DDR2: variants seen among roughly 807,000 people sequenced by gnomAD.
The protein encoded by DDR2 is discoidin domain receptor tyrosine kinase 2.
Under a neutral mutation model 94.9 loss-of-function variants are expected in DDR2, and 27 were observed. The observed-to-expected ratio is 0.28, with a 90% confidence interval of 0.21 to 0.39. The LOEUF is 0.39. DDR2 is among the 10% of genes least tolerant of loss of function. DDR2 has a pLI of 1.00. For missense variants in DDR2, 783 were observed against 1,076.0 expected (o/e 0.73, Z 3.81); for synonymous variants, 382 against 377.2 (o/e 1.01, Z -0.15).
At chr1:162,649,332 G>T (rs2101900007) in intron 1 of DDR2, among the ~76,000 whole-genome samples, 1 of 152,214 alleles carries the variant, frequency 6.6e-6, no homozygotes, top group East Asian at 1.9e-4. Context: ...TGAGAGAAGA[G>T]GATGGCACAG....
intron 7 of DDR2, among the ~76,000 whole-genome samples, 162 bp from the exon 8 acceptor site, chr1:162,759,634 T>C (rs527646551): frequency 2.6e-5 from 4 of 152,104 alleles, no homozygotes; most frequent in South Asian, 4.2e-4. Context: ...GATAAACGAG[T>C]CAATACTATA....
intron 2 of DDR2, among the ~76,000 whole-genome samples, chr1:162,665,556 A>G (rs999811795): frequency 2.0e-5 from 2 of 98,822 alleles, no homozygotes; most frequent in Non-Finnish European, 4.2e-5. Flanking sequence ...AGGGACTTGC[A>G]TGTATGATTT....
At chr1:162,643,666 A>C (rs147991907) in intron 1 of DDR2, among the ~76,000 whole-genome samples, 1,629 of 152,200 alleles carry the variant, frequency 0.011, 33 homozygotes, top group African/African-American at 0.037. Flanking sequence ...TTTTTAGTAG[A>C]GACGAAGCTT....
In DDR2 at chr1:162,767,070, A is replaced by AAG. The variant is rs1272854612; in HGVS notation, c.1163-159_1163-158insAG. On this transcript the variant is annotated intron_variant, in intron 10 of 17. Coordinates refer to ENST00000367921, the MANE Select transcript of DDR2 (RefSeq NM_006182.4). Reference sequence around the variant, plus strand: ...AATAAAACAGTAGCAAGAAAACAAAACAGTAGCAAGAGCAAGAATAAGCAG... The same window carrying AAG: ...AATAAAACAGTAGCAAGAAAACAAAAAGCAGTAGCAAGAGCAAGAATAAGCAG... Among the ~76,000 whole-genome samples the AAG allele has an allele frequency of 2.6e-5, 4 of 151,012 alleles. No homozygotes were observed. The East Asian group carries it at 7.8e-4, about 30-fold the overall frequency.
At chr1:162,768,783 C>T (rs935403367) in intron 11 of DDR2, among the ~76,000 whole-genome samples, 24 of 152,162 alleles carry the variant, frequency 1.6e-4, no homozygotes, top group African/African-American at 5.6e-4. Flanking sequence ...AGTCTGAAAA[C>T]ACTTAAAGCT....
intron 11 of DDR2, among the ~76,000 whole-genome samples, chr1:162,769,915 T>A (rs1664181930): frequency 6.6e-6 from 1 of 152,218 alleles, no homozygotes; most frequent in South Asian, 2.1e-4. Flanking sequence ...ACAATTTATG[T>A]CTATTCCAAA....
intron 2 of DDR2, among the ~76,000 whole-genome samples, chr1:162,711,948 C>G (rs1660935485): frequency 6.6e-6 from 1 of 151,962 alleles, no homozygotes; most frequent in African/African-American, 2.4e-5. Context: ...TTCCACCAGT[C>G]CAGAGTGCTG....
chr1:162,716,321 T>A (rs1046833867), intron 2 of DDR2, among the ~76,000 whole-genome samples: 4 of 152,152 alleles, frequency 2.6e-5, no homozygotes, highest in African/African-American at 9.7e-5. Flanking sequence ...GTGAGCCAAG[T>A]CAGTCCTGGG....
At chr1:162,645,037 T>C (rs1227290835) in intron 1 of DDR2, among the ~76,000 whole-genome samples, 1 of 152,086 alleles carries the variant, frequency 6.6e-6, no homozygotes, top group Non-Finnish European at 1.5e-5. Context: ...GTAAGGTGGG[T>C]CGGAAAGTTT....
intron 3 of DDR2, among the ~76,000 whole-genome samples, chr1:162,730,962 C>T (rs1378397114): frequency 6.6e-6 from 1 of 152,210 alleles, no homozygotes; most frequent in Non-Finnish European, 1.5e-5. Context: ...TGCCCCTGCT[C>T]CAAATGGGCA....
At chr1:162,725,279 C>G (rs1661604524) in intron 3 of DDR2, among the ~76,000 whole-genome samples, 1 of 152,166 alleles carries the variant, frequency 6.6e-6, no homozygotes, top group African/African-American at 2.4e-5. Context: ...AACCGGCATT[C>G]GACTCTGCTC....
intron 2 of DDR2, among the ~76,000 whole-genome samples, chr1:162,656,515 TA>T (rs1157466304): frequency 6.6e-6 from 1 of 152,108 alleles, no homozygotes; most frequent in Non-Finnish European, 1.5e-5. Context: ...TTTAATGTCT[TA>T]GGTTTCCTTC....
chr1:162,743,523 T>A (rs1268816890), intron 3 of DDR2, among the ~76,000 whole-genome samples: 3 of 152,290 alleles, frequency 2.0e-5, no homozygotes, highest in East Asian at 3.9e-4. Context: ...AGTCCCTTTC[T>A]GAGGGCAGGC....
chr1:162,764,404 A>AG lies in DDR2; in HGVS notation c.1100-1597_1100-1596insG, dbSNP rs1206872127. Among the ~76,000 whole-genome samples the AG allele has an allele frequency of 9.9e-5, 15 of 151,614 alleles. No individual in the cohort carries two copies. The East Asian group carries it at 2.9e-3, about 29-fold the overall frequency. On this transcript the variant is annotated intron_variant, in intron 9 of 17. Transcript: ENST00000367921. The stretch of plus-strand genomic sequence containing the variant: ...ATACAGAATGCTTTAAAAAAAAAAA[A>AG]AAAAAAAGAAATGTCCAAAGCAATA...
chr1:162,679,650 A>C (rs1378722933), intron 2 of DDR2, among the ~76,000 whole-genome samples: 3 of 152,164 alleles, frequency 2.0e-5, no homozygotes. Context: ...CCCTTTGGGT[A>C]TATACCCAAT....
At chr1:162,693,030 C>T (rs574143572) in intron 2 of DDR2, among the ~76,000 whole-genome samples, 1 of 152,052 alleles carries the variant, frequency 6.6e-6, no homozygotes, top group Non-Finnish European at 1.5e-5. Context: ...CATGGATGAA[C>T]CTCACAAACC....
intron 2 of DDR2, among the ~76,000 whole-genome samples, chr1:162,715,266 G>A (rs1297762559): frequency 6.6e-6 from 1 of 152,090 alleles, no homozygotes; most frequent in Non-Finnish European, 1.5e-5. Flanking sequence ...GTGTGTTGGG[G>A]GGGAATACAA....
chr1:162,768,251 A>G (rs1664098760), intron 11 of DDR2, among the ~76,000 whole-genome samples: 1 of 152,010 alleles, frequency 6.6e-6, no homozygotes, highest in Non-Finnish European at 1.5e-5. Flanking sequence ...CCAAATAGCA[A>G]CTCCCTTGGA....
At chr1:162,653,478 G>A (rs1364532724) in intron 1 of DDR2, among the ~76,000 whole-genome samples, 3 of 152,088 alleles carry the variant, frequency 2.0e-5, no homozygotes, top group African/African-American at 7.2e-5. Flanking sequence ...TTAGGAAGCT[G>A]AGGCATGAGA....
Sources: gnomAD v4.1 joint callset for allele counts (sites outside exome capture counted in the v4.1 genomes callset) on GRCh38, gnomAD v4.1.1 for gene constraint, MANE v1.5 for transcripts, NCBI Gene and HGNC (gene_info 2026-07-23, HGNC 2026-07-21) for gene names.